DISC1: variants seen among roughly 807,000 people sequenced by gnomAD.
DISC1 encodes the protein DISC1 scaffold protein.
Under a neutral mutation model 84.5 loss-of-function variants are expected in DISC1, and 57 were observed. That is an observed-to-expected ratio of 0.67 (90% CI 0.55 to 0.84). The LOEUF is 0.84. Among genes scored for constraint, DISC1 ranks in the 40% least tolerant of loss-of-function variants. The pLI, the probability that DISC1 is intolerant of heterozygous loss-of-function variation, is 0.00. For synonymous variants in DISC1, 411 were observed against 415.2 expected (o/e 0.99, Z 0.12); for missense variants, 1,000 against 1,057.8 (o/e 0.95, Z 0.76).
At position 231,942,694 on chromosome 1, in the gene DISC1, GA is replaced by G. The variant is rs976976913; in HGVS notation, c.1982-16126del. Reference sequence around the variant, plus strand: ...AAAATAAAGTAAAATAAATAAAAAAGAAAAAAAAGAAAACGCCATGGCCAGA... The same window carrying G: ...AAAATAAAGTAAAATAAATAAAAAAGAAAAAAAGAAAACGCCATGGCCAGA... On this transcript the variant is annotated intron_variant, in intron 9 of 12. Transcript: ENST00000439617. Among the ~76,000 whole-genome samples, 11 of 151,568 alleles carry G rather than the reference GA, an allele frequency of 7.3e-5. 1 individual carries two copies. The South Asian group carries it at 8.4e-4, about 12-fold the overall frequency.
At chr1:231,953,823 G>A (rs141512911) in intron 9 of DISC1, among the ~76,000 whole-genome samples, 628 of 152,238 alleles carry the variant, frequency 4.1e-3, no homozygotes, top group Non-Finnish European at 7.0e-3. Context: ...AGGTGAGATC[G>A]TATCGTACTG....
At chr1:231,979,112 G>A (rs966419910) in intron 10 of DISC1, among the ~76,000 whole-genome samples, 2 of 151,896 alleles carry the variant, frequency 1.3e-5, no homozygotes, top group African/African-American at 4.8e-5. Flanking sequence ...CAGGTTGTTT[G>A]CTCCTTATGA....
chr1:231,991,006 C>T (rs1665130084), intron 10 of DISC1, among the ~76,000 whole-genome samples: 1 of 152,218 alleles, frequency 6.6e-6, no homozygotes, highest in Non-Finnish European at 1.5e-5. Context: ...AAGCCATCAG[C>T]CTCGCCAGGC....
At chr1:231,950,369 A>T (rs746054329) in intron 9 of DISC1, among the ~76,000 whole-genome samples, 3 of 152,168 alleles carry the variant, frequency 2.0e-5, no homozygotes, top group Non-Finnish European at 4.4e-5. Context: ...AAAATACTGT[A>T]AATTAATCTC....
intron 9 of DISC1, among the ~76,000 whole-genome samples, chr1:231,838,017 C>G (rs936099614): frequency 6.6e-6 from 1 of 152,048 alleles, no homozygotes; most frequent in South Asian, 2.1e-4. Context: ...TTAGAGTTTG[C>G]AAACATTTAT....
At chr1:231,829,412 T>C (rs1031674120) in intron 9 of DISC1, among the ~76,000 whole-genome samples, 1 of 152,222 alleles carries the variant, frequency 6.6e-6, no homozygotes, top group African/African-American at 2.4e-5. Context: ...TCACCTAGGC[T>C]GGAGTGCAGT....
intron 4 of DISC1, among the ~76,000 whole-genome samples, chr1:231,755,887 G>A (rs1262635402): frequency 6.6e-6 from 1 of 152,152 alleles, no homozygotes. Context: ...CTGGATTATT[G>A]CAGTGGTCTC....
chr1:231,634,451 G>T (rs1163572292), intron 1 of DISC1, among the ~76,000 whole-genome samples: 1 of 152,192 alleles, frequency 6.6e-6, no homozygotes, highest in East Asian at 1.9e-4. Context: ...AAAAAAGTTT[G>T]CGTATTTCAG....
chr1:231,948,295 G>A (rs1657626338), intron 9 of DISC1, among the ~76,000 whole-genome samples: 1 of 152,186 alleles, frequency 6.6e-6, no homozygotes, highest in Non-Finnish European at 1.5e-5. Context: ...ATAAGTTCAT[G>A]TCCTTTGCAG....
At position 231,833,059 on chromosome 1, in the gene DISC1, G is replaced by T. The variant is rs543735131; in HGVS notation, c.1981+14542G>T. Among the ~76,000 whole-genome samples, 13 of 145,488 alleles carry T rather than the reference G, an allele frequency of 8.9e-5. No homozygotes were observed. The South Asian group carries it at 2.0e-3, about 23-fold the overall frequency. The stretch of plus-strand genomic sequence containing the variant: ...GTATCTTATACTTGTGGGTTAAGGT[G>T]GGGGGATACAAGAGGAGGACGCAAA... On this transcript the variant is annotated intron_variant, in intron 9 of 12. Coordinates refer to ENST00000439617, the MANE Select transcript of DISC1 (RefSeq NM_018662.3).
At chr1:231,645,504 C>A in intron 1 of DISC1, among the ~76,000 whole-genome samples, 1 of 143,362 alleles carries the variant, frequency 7.0e-6, no homozygotes, top group South Asian at 2.2e-4. Flanking sequence ...CATGTCACTT[C>A]TTTTTTTTTT....
intron 9 of DISC1, among the ~76,000 whole-genome samples, chr1:231,902,504 G>A (rs2088263912): frequency 6.6e-6 from 1 of 152,008 alleles, no homozygotes; most frequent in Non-Finnish European, 1.5e-5. Flanking sequence ...GGGAGGCTGA[G>A]GCAGGAGAAT....
intron 4 of DISC1, among the ~76,000 whole-genome samples, chr1:231,766,643 C>T (rs1401759533): frequency 1.3e-5 from 2 of 152,078 alleles, no homozygotes; most frequent in Non-Finnish European, 2.9e-5. Context: ...ATTCAATACT[C>T]CTAATCATTT....
chr1:231,674,392 T>A (rs554310166), intron 1 of DISC1, among the ~76,000 whole-genome samples: 1 of 152,326 alleles, frequency 6.6e-6, no homozygotes, highest in African/African-American at 2.4e-5. Context: ...ATAACAATAT[T>A]TGATCCATAG....
In DISC1 at chr1:232,004,356, G is replaced by A. The variant is rs566635253; in HGVS notation, c.2043-4429G>A. 3.4e-4 allele frequency among the ~76,000 whole-genome samples: 51 copies of A among 151,888 alleles called. 1 individual carries two copies. The South Asian group carries it at 0.011, about 32-fold the overall frequency. ...GACTGAATAAGATAAATCAGAAAAA[G>A]AATAAGTAAAACACATACTGAAAAG... On this transcript the variant is annotated intron_variant, in intron 10 of 12. Transcript: ENST00000439617.
At chr1:231,863,293 C>T (rs1158433421) in intron 9 of DISC1, among the ~76,000 whole-genome samples, 7 of 117,086 alleles carry the variant, frequency 6.0e-5, no homozygotes, top group South Asian at 5.8e-4. Flanking sequence ...TGCTGTGGTG[C>T]GATCTTGGCT....
intron 9 of DISC1, among the ~76,000 whole-genome samples, chr1:231,878,083 A>C (rs976199917): frequency 1.4e-4 from 21 of 152,362 alleles, no homozygotes; most frequent in African/African-American, 5.0e-4. Context: ...GATACCTTAA[A>C]ACAGTTCATT....
At chr1:232,033,797 A>G (rs2103065757) in intron 12 of DISC1, among the ~76,000 whole-genome samples, 1 of 152,340 alleles carries the variant, frequency 6.6e-6, no homozygotes, top group African/African-American at 2.4e-5. Context: ...ATTGATTTAA[A>G]TATGAAAGCA....
chr1:231,696,646 G>A (rs546759991), intron 2 of DISC1, among the ~76,000 whole-genome samples: 1 of 152,344 alleles, frequency 6.6e-6, no homozygotes, highest in South Asian at 2.1e-4. Flanking sequence ...GGTCCTGTGA[G>A]ATTATCGTAC....
Sources: allele counts gnomAD v4.1 joint callset (sites outside exome capture counted in the v4.1 genomes callset), GRCh38; gene constraint gnomAD v4.1.1; transcripts MANE v1.5; gene names NCBI Gene and HGNC (gene_info 2026-07-23, HGNC 2026-07-21).